Variants in NRG1 observed in about 807,000 individuals in gnomAD.
NRG1 encodes pro-neuregulin-1, membrane-bound isoform.
In NRG1, 18 loss-of-function variants were observed where a neutral mutation model predicts 63.8. That is an observed-to-expected ratio of 0.28 (90% confidence interval 0.19 to 0.42). NRG1 has a LOEUF of 0.42. Ranked by LOEUF, NRG1 falls within the 10% of genes least tolerant of loss-of-function variation. NRG1 has a pLI of 1.00. For missense variants in NRG1, 762 were observed against 814.7 expected (o/e 0.94, Z 0.79); for synonymous variants, 302 against 301.3 (o/e 1.00, Z -0.02).
chr8:32,290,372 G>T (rs985746524), intron 1 of NRG1, among the ~76,000 whole-genome samples: 1 of 151,880 alleles, frequency 6.6e-6, no homozygotes, highest in African/African-American at 2.4e-5. Context: ...TAGAGAGAGG[G>T]TGTAAATATA....
intron 1 of NRG1, among the ~76,000 whole-genome samples, chr8:32,128,765 T>TA (rs2131611432): frequency 6.6e-6 from 1 of 152,070 alleles, no homozygotes; most frequent in East Asian, 1.9e-4. Flanking sequence ...TCTCACAGAA[T>TA]AAAAATCACA....
intron 3 of NRG1, among the ~76,000 whole-genome samples, chr8:32,606,488 T>C (rs1455340629): frequency 6.6e-6 from 1 of 152,066 alleles, no homozygotes; most frequent in Non-Finnish European, 1.5e-5. Flanking sequence ...TGACAACTTC[T>C]GTGTTATTCC....
chr8:32,706,605 A>G (rs1432140405), intron 5 of NRG1, among the ~76,000 whole-genome samples: 1 of 152,022 alleles, frequency 6.6e-6, no homozygotes, highest in East Asian at 1.9e-4. Context: ...GTAGAATTAT[A>G]AAATGACATT....
In NRG1 at chr8:31,663,853, T is replaced by C. The variant is rs556797329; in HGVS notation, c.37+24422T>C. On this transcript the variant is annotated intron_variant, in intron 1 of 10. Transcript: ENST00000519301. The stretch of plus-strand genomic sequence containing the variant: ...GCTGTACATCAGGGGAGGAGGGTGC[T>C]GCAGTTTGCTATTATAATGGGAAAA... Among the ~76,000 whole-genome samples, 3 of 152,246 alleles carry C rather than the reference T, an allele frequency of 2.0e-5. No individual in the cohort carries two copies. In the South Asian group the frequency reaches 6.2e-4, roughly 32 times the overall value.
At chr8:32,698,295 G>A (rs566352575) in intron 5 of NRG1, among the ~76,000 whole-genome samples, 4 of 152,034 alleles carry the variant, frequency 2.6e-5, no homozygotes, top group Admixed American at 6.6e-5. Flanking sequence ...CTTTTCTGTC[G>A]CATTCAAGGA....
At chr8:32,759,013 G>T (rs1830180548) in intron 9 of NRG1, among the ~76,000 whole-genome samples, 1 of 152,100 alleles carries the variant, frequency 6.6e-6, no homozygotes, top group Admixed American at 6.5e-5. Context: ...TAAAATAGAA[G>T]AAATAGGACT....
At chr8:31,910,767 A>G (rs573329080) in intron 1 of NRG1, among the ~76,000 whole-genome samples, 152 of 152,290 alleles carry the variant, frequency 1.0e-3, no homozygotes, top group African/African-American at 3.5e-3. Flanking sequence ...AATTTTTAAG[A>G]TAAGATATGG....
chr8:32,001,371 G>A (rs190104529), intron 1 of NRG1, among the ~76,000 whole-genome samples: 2 of 152,016 alleles, frequency 1.3e-5, no homozygotes, highest in East Asian at 2.0e-4. Flanking sequence ...GCCTGCCACC[G>A]TGTAAGACAT....
intron 1 of NRG1, among the ~76,000 whole-genome samples, chr8:32,101,428 G>C (rs999946535): frequency 5.3e-5 from 8 of 151,064 alleles, no homozygotes; most frequent in African/African-American, 1.9e-4. Context: ...CTTAAAGAAC[G>C]AGAAGGAGGC....
At chr8:32,644,552 G>T (rs1168597223) in intron 5 of NRG1, among the ~76,000 whole-genome samples, 1 of 151,996 alleles carries the variant, frequency 6.6e-6, no homozygotes, top group African/African-American at 2.4e-5. Flanking sequence ...TTTCCAATTT[G>T]GCGGAAAAAA....
chr8:32,368,253 G>T (rs1344185614), intron 1 of NRG1, among the ~76,000 whole-genome samples: 1 of 152,160 alleles, frequency 6.6e-6, no homozygotes, highest in Non-Finnish European at 1.5e-5. Flanking sequence ...GAGAGACTGA[G>T]CTTAATTTCT....
At chr8:32,413,883 T>G (rs1003608746) in intron 1 of NRG1, among the ~76,000 whole-genome samples, 6 of 151,784 alleles carry the variant, frequency 4.0e-5, no homozygotes, top group Non-Finnish European at 8.8e-5. Flanking sequence ...GGGACACAGG[T>G]ATAGAAACCT....
chr8:31,905,403 C>A (rs142999216), intron 1 of NRG1, among the ~76,000 whole-genome samples: 1 of 152,146 alleles, frequency 6.6e-6, no homozygotes, highest in East Asian at 1.9e-4. Flanking sequence ...GGAGACAAAA[C>A]TCCCTCTTCT....
At chr8:32,717,537 C>T (rs1308287309) in intron 5 of NRG1, among the ~76,000 whole-genome samples, 1 of 152,120 alleles carries the variant, frequency 6.6e-6, no homozygotes, top group Non-Finnish European at 1.5e-5. Flanking sequence ...CTGAAATTAG[C>T]CAAGTGTTAT....
intron 2 of NRG1, 73 bp from the exon 3 acceptor site, chr8:32,605,489 T>A (rs544961837): frequency 6.4e-7 from 1 of 1,566,968 alleles, no homozygotes; most frequent in African/African-American, 1.4e-5. Context: ...TCTGAAAGCA[T>A]AGAAAAGTAT....
chr8:32,495,533 G>C (rs1289927327), intron 1 of NRG1, among the ~76,000 whole-genome samples: 2 of 152,072 alleles, frequency 1.3e-5, no homozygotes, highest in African/African-American at 4.8e-5. Flanking sequence ...TGTGATCTCG[G>C]CTCACTGAAA....
At chr8:31,865,397 G>GT in intron 1 of NRG1, among the ~76,000 whole-genome samples, 1 of 152,138 alleles carries the variant, frequency 6.6e-6, no homozygotes, top group Non-Finnish European at 1.5e-5. Context: ...CTCAGAACAA[G>GT]TGTTCTGAAG....
chr8:32,624,155 G>A (rs10103976), intron 5 of NRG1, among the ~76,000 whole-genome samples: 50,719 of 152,094 alleles, frequency 0.33, 8,952 homozygotes, highest in Non-Finnish European at 0.38. Flanking sequence ...GAACAAATAG[G>A]TAGTTCTAAA....
At chr8:32,590,174 C>T (rs1008988111) in intron 1 of NRG1, among the ~76,000 whole-genome samples, 9 of 152,208 alleles carry the variant, frequency 5.9e-5, no homozygotes, top group African/African-American at 2.2e-4. Context: ...GCTCTGAAAG[C>T]ATTTGCATGT....
Sources: gnomAD v4.1 joint callset for allele counts (sites outside exome capture counted in the v4.1 genomes callset) on GRCh38, gnomAD v4.1.1 for gene constraint, MANE v1.5 for transcripts, NCBI Gene and HGNC (gene_info 2026-07-23, HGNC 2026-07-21) for gene names.